TCEA2: variants seen among roughly 807,000 people sequenced by gnomAD.
TCEA2 encodes the protein transcription elongation factor A protein 2.
A neutral mutation model predicts 40.8 loss-of-function variants in TCEA2; 21 were observed. The observed-to-expected ratio is 0.51, with a 90% CI of 0.36 to 0.74. TCEA2 has a LOEUF of 0.74. Among genes scored for constraint, TCEA2 ranks in the 30% least tolerant of loss-of-function variants. The probability of loss-of-function intolerance (pLI) is 0.00; values close to 1 mark genes in which losing one functional copy is unlikely to be tolerated. For synonymous variants in TCEA2, 165 were observed against 162.7 expected (o/e 1.01, Z -0.11); for missense variants, 326 against 426.5 (o/e 0.76, Z 2.08).
At chr20:64,070,212 T>TG in intron 6 of TCEA2, 48 bp from the exon 7 acceptor site, 1 of 1,603,036 alleles carries the variant, frequency 6.2e-7, no homozygotes, top group Non-Finnish European at 8.5e-7. Context: ...AGGTGGTAGG[T>TG]GGAGGGCAGC....
At chr20:64,067,108 C>A in intron 3 of TCEA2, 88 bp downstream of exon 3, 1 of 1,355,410 alleles carries the variant, frequency 7.4e-7, no homozygotes, top group Non-Finnish European at 1.0e-6. Context: ...AGAGTGCTGG[C>A]AGTGTCCACC....
chr20:64,060,861 C>T (rs1297883598), upstream of TCEA2, among the ~76,000 whole-genome samples: 2 of 152,022 alleles, frequency 1.3e-5, no homozygotes, highest in Admixed American at 6.6e-5. Context: ...ATGATCTCGG[C>T]TCACTGCCAG....
chr20:64,062,269 G>A (rs967495164), upstream of TCEA2, among the ~76,000 whole-genome samples: 8 of 152,214 alleles, frequency 5.3e-5, no homozygotes, highest in Admixed American at 3.3e-4. Flanking sequence ...GGAGCTGCCA[G>A]GCAGTGGTGG....
At position 64,072,169 on chromosome 20, in the gene TCEA2, C is replaced by A. The variant is rs778225120; in HGVS notation, c.892-3C>A. ...GCTGGAGGCCTCACCCCCTTTCTCGCAGTTCTGCTGACCCCTCGTGTAGAT... is the reference window on the plus strand; with the variant it reads ...GCTGGAGGCCTCACCCCCTTTCTCGAAGTTCTGCTGACCCCTCGTGTAGAT... On this transcript the variant is annotated splice_polypyrimidine_tract_variant and splice_region_variant and intron_variant, in intron 9 of 9. Coordinates refer to ENST00000343484, the MANE Select transcript of TCEA2 (RefSeq NM_003195.6). 1 of 1,613,622 alleles carries A rather than the reference C, an allele frequency of 6.2e-7. No homozygotes were observed. The highest frequency in any genetic ancestry group is 8.5e-7 in the Non-Finnish European group (1 of 1,179,840).
At chr20:64,070,745 C>A in intron 8 of TCEA2, 110 bp downstream of exon 8, 1 of 1,410,850 alleles carries the variant, frequency 7.1e-7, no homozygotes, top group Non-Finnish European at 9.4e-7. Context: ...TTTCCCGAGC[C>A]TCTCAGTCCC....
In TCEA2 at chr20:64,066,955, A is replaced by C. The variant is rs1192681309; in HGVS notation, c.176A>C (p.Gln59Pro). 6.2e-7 allele frequency: 1 copy of C among 1,614,076 alleles called. No individual in the cohort carries two copies. Among genetic ancestry groups the C allele is most frequent in the Non-Finnish European group, 8.5e-7 (1 of 1,179,992 alleles). Residue 59 changes from glutamine to proline, a missense_variant, in exon 3 of 10, where the codon CAG (glutamine) becomes CCG (proline). Coordinates refer to ENST00000343484, the MANE Select transcript of TCEA2 (RefSeq NM_003195.6). Reference sequence around the variant, plus strand: ...ATGTCTGTCAACGCCCTTCGGAAGCAGAGCTCGGATGAGGAGGTCATTGCA... The same window carrying C: ...ATGTCTGTCAACGCCCTTCGGAAGCCGAGCTCGGATGAGGAGGTCATTGCA... ...VGMSVNALRKQSSDEEVIALA... is the reference protein window; with the variant it reads ...VGMSVNALRKPSSDEEVIALA...
intron 4 of TCEA2, among the ~76,000 whole-genome samples, chr20:64,068,529 G>A (rs1012766861): frequency 5.3e-5 from 8 of 152,204 alleles, no homozygotes; most frequent in South Asian, 2.1e-4. Flanking sequence ...AACCAAAGGC[G>A]GGGGCCAACT....
At chr20:64,063,622 T>C (rs2059619525) in intron 1 of TCEA2, 1 of 548,104 alleles carries the variant, frequency 1.8e-6, no homozygotes, top group African/African-American at 2.0e-5. Flanking sequence ...CTGGACCTTG[T>C]CCCGGGAGAG....
chr20:64,063,167 G>C, upstream of TCEA2: 1 of 664,756 alleles, frequency 1.5e-6, no homozygotes, highest in East Asian at 4.3e-5. Context: ...CGGCCGCGGG[G>C]CCGAGGGTTT....
At position 64,068,094 on chromosome 20, in the gene TCEA2, C is replaced by T. The variant is rs778443120; in HGVS notation, c.289C>T (p.Pro97Ser). 5 of 1,609,764 alleles carry T rather than the reference C, an allele frequency of 3.1e-6. No homozygotes were observed. Among genetic ancestry groups the T allele is most frequent in the Non-Finnish European group, 4.2e-6 (5 of 1,178,414 alleles). Residue 97 changes from proline (P) to serine (S), a missense_variant, in exon 4 of 10, where the codon CCC becomes TCC. Physicochemically the swap from Pro to Ser is moderately conservative, Grantham distance 74 (BLOSUM62 -1). Transcript: ENST00000343484. Reference sequence around the variant, plus strand: ...GGAGCGGGGGAGGGGCATGCCTCTGCCCACGTCCTCGAGGGATGCCTCAGA... The same window carrying T: ...GGAGCGGGGGAGGGGCATGCCTCTGTCCACGTCCTCGAGGGATGCCTCAGA... ...ARERGRGMPLPTSSRDASEAP... is the reference protein window; with the variant it reads ...ARERGRGMPLSTSSRDASEAP...
At position 64,058,021 on chromosome 20, in the gene TCEA2, C is replaced by T. The variant is rs879800960; in HGVS notation, c.-84+370C>T. On this transcript the variant is annotated intron_variant, in intron 1 of 10. Transcript: ENST00000361317. The surrounding 1 kb of genome is among the most constrained non-coding windows in gnomAD (Gnocchi z 6.7). Reference sequence around the variant, plus strand: ...CTGCCCGGGGGCGGGACCATCCCACCGGATTGCAGGTTCCCTGATCACCAG... The same window carrying T: ...CTGCCCGGGGGCGGGACCATCCCACTGGATTGCAGGTTCCCTGATCACCAG... Among the ~76,000 whole-genome samples the T allele has an allele frequency of 3.3e-5, 5 of 152,238 alleles. No homozygotes were observed. The highest frequency in any genetic ancestry group is 7.3e-5 in the Non-Finnish European group (5 of 68,034).
At chr20:64,067,219 TG>T (rs1377396524) in intron 3 of TCEA2, among the ~76,000 whole-genome samples, 199 bp downstream of exon 3, 1 of 152,150 alleles carries the variant, frequency 6.6e-6, no homozygotes, top group African/African-American at 2.4e-5. Context: ...CAGCATTGGC[TG>T]GGAGGTGTGG....
chr20:64,065,321 T>G (rs1303476748), intron 1 of TCEA2, among the ~76,000 whole-genome samples: 4 of 152,092 alleles, frequency 2.6e-5, no homozygotes, highest in African/African-American at 7.2e-5. Context: ...CCACCCGGAT[T>G]GCTGGGGTTG....
chr20:64,066,082 G>C (rs955444091), intron 1 of TCEA2: 2 of 176,716 alleles, frequency 1.1e-5, no homozygotes, highest in Non-Finnish European at 2.4e-5. Context: ...TTTCACCTGG[G>C]TGTGGCCCTG....
rs749358092 is a variant in TCEA2, at chr20:64,069,928, G to GGGTCACCTGCCTGGGT, written c.517+129_517+144dup. On this transcript the variant is annotated intron_variant, in intron 6 of 9. Coordinates refer to ENST00000343484, the MANE Select transcript of TCEA2 (RefSeq NM_003195.6). ...TGGATGCCACTGCCCAGCTGTCCAG[G>GGGTCACCTGCCTGGGT]GGTCACCTGCCTGGGTGGTCACCTG... is the stretch of plus-strand genomic sequence containing the variant. 26 of 1,397,450 alleles carry GGGTCACCTGCCTGGGT rather than the reference G, an allele frequency of 1.9e-5. 1 individual carries two copies. In the Admixed American group the frequency reaches 3.5e-4, roughly 19 times the overall value. The allele number at this position is 1,397,450 out of a possible 1,614,324, so 86.6% of individuals were successfully genotyped here.
chr20:64,060,437 C>A (rs1001123934), upstream of TCEA2, among the ~76,000 whole-genome samples: 10 of 152,218 alleles, frequency 6.6e-5, no homozygotes, highest in Non-Finnish European at 1.5e-4. Flanking sequence ...TTCTGGGGTT[C>A]CTGCACAAGG....
upstream of TCEA2, among the ~76,000 whole-genome samples, chr20:64,055,660 T>C (rs1410828021): frequency 6.6e-6 from 1 of 151,940 alleles, no homozygotes; most frequent in Non-Finnish European, 1.5e-5. The surrounding 1 kb of genome is among the most constrained non-coding windows in gnomAD (Gnocchi z 4.0). Flanking sequence ...ATTTTCTGAG[T>C]GAGGTGGGAC....
At position 64,063,297 on chromosome 20, in the gene TCEA2, C is replaced by T; in HGVS notation, c.-16C>T. 2.0e-6 allele frequency: 3 copies of T among 1,521,422 alleles called. No homozygotes were observed. Among genetic ancestry groups the T allele is most frequent in the Admixed American group, 4.1e-5 (2 of 48,924 alleles). The allele number at this position is 1,521,422 out of a possible 1,614,324, so 94.2% of individuals were successfully genotyped here. A position where few individuals can be genotyped will look rare whatever the true frequency, so the allele number is the denominator to read the frequency against. The stretch of plus-strand genomic sequence containing the variant: ...AGGCGGGCGCGACGGGCGCGGGGGT[C>T]GCTGCTCCTGAGGCGATGATGGGCA... On this transcript the variant is annotated 5_prime_UTR_variant, in exon 1 of 10. Coordinates refer to ENST00000343484, the MANE Select transcript of TCEA2 (RefSeq NM_003195.6).
At position 64,071,443 on chromosome 20, in the gene TCEA2, C is replaced by T. The variant is rs964220577; in HGVS notation, c.820-427C>T. ...TGCAAGGACAGCCTTTCCTTCCCCT[C>T]GAAGGCTGCATGGGGCCTGGGTCGG... On this transcript the variant is annotated intron_variant, in intron 8 of 9. Coordinates refer to ENST00000343484, the MANE Select transcript of TCEA2 (RefSeq NM_003195.6). Among the ~76,000 whole-genome samples the T allele has an allele frequency of 1.2e-4, 19 of 152,252 alleles. No homozygotes were observed. In the East Asian group the frequency reaches 3.1e-3, roughly 25 times the overall value.
Sources: gnomAD v4.1 joint callset for allele counts (sites outside exome capture counted in the v4.1 genomes callset) on GRCh38, gnomAD v4.1.1 for gene constraint, Gnocchi (gnomAD v3.1) non-coding constraint, MANE v1.5 for transcripts, NCBI Gene and HGNC (gene_info 2026-07-23, HGNC 2026-07-21) for gene names.